S100Z: variants seen among roughly 807,000 people sequenced by gnomAD.
The protein encoded by S100Z is S100 calcium binding protein Z.
S100Z carries 11 observed loss-of-function variants against 8.5 expected under a neutral mutation model. That is an observed-to-expected ratio of 1.30 (90% CI 0.82 to 2.15). The LOEUF is 2.15. Ranked by LOEUF, S100Z falls within the 30% of genes most tolerant of loss-of-function variation. The probability of loss-of-function intolerance (pLI) is 0.00; values close to 1 mark genes in which losing one functional copy is unlikely to be tolerated. For synonymous variants in S100Z, 34 were observed against 43.8 expected (o/e 0.78, Z 0.89); for missense variants, 126 against 117.9 (o/e 1.07, Z -0.32).
intron 4 of S100Z, among the ~76,000 whole-genome samples, chr5:76,879,779 A>G (rs1422104379): frequency 6.6e-6 from 1 of 152,308 alleles, no homozygotes; most frequent in Middle Eastern, 3.4e-3. Context: ...GAAAACCAGG[A>G]GAGTGTAGTG....
intron 4 of S100Z, among the ~76,000 whole-genome samples, chr5:76,895,857 G>A (rs1207462193): frequency 2.1e-5 from 3 of 146,060 alleles, no homozygotes; most frequent in African/African-American, 5.1e-5. Context: ...CCGCCTCCCA[G>A]GTTCAAGTGA....
At chr5:76,893,022 C>T (rs572986119) in intron 4 of S100Z, among the ~76,000 whole-genome samples, 4 of 152,214 alleles carry the variant, frequency 2.6e-5, no homozygotes, top group African/African-American at 7.2e-5. Flanking sequence ...GGAGACTTAT[C>T]GTTGTAGCTC....
At chr5:76,909,011 A>T (rs1744553712) in intron 4 of S100Z, among the ~76,000 whole-genome samples, 1 of 152,166 alleles carries the variant, frequency 6.6e-6, no homozygotes, top group South Asian at 2.1e-4. Flanking sequence ...CTTGTGGTCT[A>T]GGAGGAAAAC....
chr5:76,864,591 A>G (rs189579050), intron 1 of S100Z, among the ~76,000 whole-genome samples: 8 of 151,812 alleles, frequency 5.3e-5, no homozygotes, highest in Admixed American at 5.3e-4. Flanking sequence ...TTTAGTAGAG[A>G]CAGGGTTTTG....
intron 4 of S100Z, among the ~76,000 whole-genome samples, chr5:76,886,254 C>T (rs1197265073): frequency 6.6e-6 from 1 of 152,200 alleles, no homozygotes; most frequent in African/African-American, 2.4e-5. Flanking sequence ...AGGCTGCCTT[C>T]CCGAGTCTGT....
chr5:76,866,196 C>A (rs936231737), intron 1 of S100Z, among the ~76,000 whole-genome samples: 2 of 151,736 alleles, frequency 1.3e-5, no homozygotes, highest in African/African-American at 2.4e-5. Context: ...GTGGTCCCCC[C>A]ACCTCAGCCT....
the S100Z span, among the ~76,000 whole-genome samples, chr5:76,945,535 G>A: frequency 6.6e-6 from 1 of 152,232 alleles, no homozygotes; most frequent in Non-Finnish European, 1.5e-5. Context: ...GCCCTGTGGC[G>A]GGAGGCGAGA....
At chr5:76,936,808 TG>T in the S100Z span, among the ~76,000 whole-genome samples, 3 of 151,992 alleles carry the variant, frequency 2.0e-5, no homozygotes, top group African/African-American at 7.3e-5. Flanking sequence ...GGATTGCCAC[TG>T]GGGATGGAGA....
chr5:76,940,453 CCCA>C, the S100Z span, among the ~76,000 whole-genome samples: 1 of 151,902 alleles, frequency 6.6e-6, no homozygotes, highest in South Asian at 2.1e-4. Context: ...TGCTTTGTCA[CCCA>C]GGCTGGAGTG....
At chr5:76,919,109 G>T (rs1163337781) in intron 4 of S100Z, among the ~76,000 whole-genome samples, 5 of 152,152 alleles carry the variant, frequency 3.3e-5, no homozygotes, top group African/African-American at 1.2e-4. Context: ...CATATTGCTT[G>T]CTTCCAAGGT....
At chr5:76,922,345 A>G (rs1745062784), downstream of S100Z, among the ~76,000 whole-genome samples, 1 of 152,206 alleles carries the variant, frequency 6.6e-6, no homozygotes, top group Admixed American at 6.5e-5. Flanking sequence ...CCATGCCCAG[A>G]CAGACTTTTC....
downstream of S100Z, chr5:76,921,664 A>G (rs1337044177): frequency 2.0e-5 from 3 of 152,226 alleles, no homozygotes; most frequent in Non-Finnish European, 4.4e-5. Flanking sequence ...AGTTTCTGTC[A>G]TATTTGCTTC....
At chr5:76,854,201 G>A (rs1750811961) in intron 1 of S100Z, among the ~76,000 whole-genome samples, 1 of 152,120 alleles carries the variant, frequency 6.6e-6, no homozygotes, top group South Asian at 2.1e-4. Flanking sequence ...TAGTACCAAG[G>A]AGTGGGGCAT....
chr5:76,888,948 G>A (rs372969935), intron 4 of S100Z, among the ~76,000 whole-genome samples: 2 of 152,048 alleles, frequency 1.3e-5, no homozygotes, highest in Non-Finnish European at 2.9e-5. Context: ...CTGGCTACAC[G>A]GCCACCCCCA....
the S100Z span, among the ~76,000 whole-genome samples, chr5:76,942,277 A>G: frequency 6.6e-6 from 1 of 151,812 alleles, no homozygotes; most frequent in Non-Finnish European, 1.5e-5. Context: ...ATGCCTGGCT[A>G]ATTTTTGTAT....
At chr5:76,918,544 T>TA (rs1744929980) in intron 4 of S100Z, among the ~76,000 whole-genome samples, 2 of 152,138 alleles carry the variant, frequency 1.3e-5, no homozygotes, top group Non-Finnish European at 2.9e-5. Flanking sequence ...AAAATAGACT[T>TA]TAGAGTAGTT....
intron 4 of S100Z, among the ~76,000 whole-genome samples, chr5:76,907,876 C>T (rs1318990619): frequency 6.6e-6 from 1 of 152,090 alleles, no homozygotes; most frequent in Non-Finnish European, 1.5e-5. Flanking sequence ...CACCTATAAT[C>T]CTAGCAGTTT....
chr5:76,886,547 C>G (rs1486561532), intron 4 of S100Z, among the ~76,000 whole-genome samples: 2 of 152,140 alleles, frequency 1.3e-5, no homozygotes, highest in Admixed American at 6.5e-5. Flanking sequence ...GGGGACTGGT[C>G]TCCTGAAGGA....
At chr5:76,917,600 A>G (rs1007252362) in intron 4 of S100Z, among the ~76,000 whole-genome samples, 1 of 152,156 alleles carries the variant, frequency 6.6e-6, no homozygotes, top group Non-Finnish European at 1.5e-5. Flanking sequence ...AAGTGGTTGG[A>G]TCACTTGAGG....
Sources: allele counts gnomAD v4.1 joint callset (sites outside exome capture counted in the v4.1 genomes callset), GRCh38; gene constraint gnomAD v4.1.1; transcripts MANE v1.5; gene names NCBI Gene and HGNC (gene_info 2026-07-23, HGNC 2026-07-21).